Variants in AKNA observed in about 807,000 individuals in gnomAD.
AKNA encodes the protein microtubule organization protein AKNA.
AKNA carries 67 observed loss-of-function variants against 138.8 expected under a neutral mutation model. The observed-to-expected ratio is 0.48, with a 90% CI of 0.40 to 0.59. The LOEUF is 0.59. AKNA is among the 20% of genes least tolerant of loss of function. The probability of loss-of-function intolerance (pLI) is 0.00; values close to 1 mark genes in which losing one functional copy is unlikely to be tolerated. For missense variants in AKNA, 1,813 were observed against 1,880.4 expected (o/e 0.96, Z 0.66); for synonymous variants, 737 against 754.4 (o/e 0.98, Z 0.38).
intron 14 of AKNA, 23 bp downstream of exon 14, chr9:114,355,902 C>T (rs1309803941): frequency 1.2e-6 from 2 of 1,612,440 alleles, no homozygotes; most frequent in South Asian, 1.1e-5. Context: ...GCAGTTCTGT[C>T]CAAGTCAGAC....
Position 114,359,997 on chromosome 9 carries a change from G to A in AKNA, c.2190C>T (p.Ser730=). ...TGTCCTCCACCTCACTGTTGCCAGA[G>A]CTCACCTCCACATTTACGTGCAATG... ...PCPLHVNVEV[S]SGNSEVEDRP... is the part of the protein sequence containing the mutation. The change falls in exon 10 of 22, where the codon AGC becomes AGT. Residue 730 remains serine, a synonymous_variant. Transcript: ENST00000374088. The A allele has an allele frequency of 6.2e-7, 1 of 1,614,232 alleles. No individual in the cohort carries two copies. Among genetic ancestry groups the A allele is most frequent in the Non-Finnish European group, 8.5e-7 (1 of 1,180,044 alleles).
chr9:114,377,102 C>T lies in AKNA; in HGVS notation c.705G>A (p.Leu235=), dbSNP rs981447745. The change falls in exon 3 of 22, where the codon TTG becomes TTA. Residue 235 remains leucine (L), a synonymous_variant. Coordinates refer to ENST00000374088, the MANE Select transcript of AKNA (RefSeq NM_001317950.2). ...GGAGGTGGTGGCTGGGGCCCTCTGG[C>T]AAGGTTTCTGCCAGGGCAGTGGGCT... ...GPQPTALAET[L]PEGPSHHLLS... is the part of the protein sequence containing the mutation. 1 of 1,614,168 alleles carries T rather than the reference C, an allele frequency of 6.2e-7. No individual in the cohort carries two copies. The highest frequency in any genetic ancestry group is 8.5e-7 in the Non-Finnish European group (1 of 1,180,006).
intron 21 of AKNA, among the ~76,000 whole-genome samples, chr9:114,341,023 G>A (rs1319917495): frequency 2.0e-5 from 3 of 152,164 alleles, no homozygotes; most frequent in Admixed American, 6.5e-5. Context: ...CTTCACTAAC[G>A]TGGCCAATGT....
At chr9:114,373,870 A>G (rs1312081019) in intron 4 of AKNA, among the ~76,000 whole-genome samples, 3 of 136,098 alleles carry the variant, frequency 2.2e-5, no homozygotes, top group African/African-American at 8.3e-5. Flanking sequence ...TAGGTGACAG[A>G]GCAAGACCCT....
rs1305505991 is a variant in AKNA at position 114,387,929 on chromosome 9, A to G, written c.-183T>C. On this transcript the variant is annotated 5_prime_UTR_variant, in exon 1 of 22. Transcript: ENST00000374088. ...ACCTGCCTGTGAATTCTTTGTTCCA[A>G]ACCCAGGGAGCCCCCTGTCTCCATT... The G allele has an allele frequency of 4.4e-6, 2 of 452,538 alleles. No homozygotes were observed. Among genetic ancestry groups the G allele is most frequent in the East Asian group, 7.0e-5 (1 of 14,254 alleles). The allele number at this position is 452,538 out of a possible 1,614,324, so 28.0% of individuals were successfully genotyped here.
intron 1 of AKNA, among the ~76,000 whole-genome samples, chr9:114,387,179 C>G (rs942406281): frequency 6.6e-6 from 1 of 152,174 alleles, no homozygotes; most frequent in Non-Finnish European, 1.5e-5. Flanking sequence ...CAACCATACC[C>G]CCACCCACCT....
rs552195983 is a variant in AKNA, at chr9:114,386,453, C to T, written c.-114+1407G>A. Among the ~76,000 whole-genome samples the T allele has an allele frequency of 4.0e-4, 61 of 152,132 alleles. 2 individuals are homozygous for T. Among genetic ancestry groups the T allele is most frequent in the Non-Finnish European group, 6.9e-4 (47 of 68,024 alleles). ...TTGAAGGAGAGCTATGGGCAGGTGTCCCTGCATGCCAGATAAAGGCAGAGT... is the reference window on the plus strand; with the variant it reads ...TTGAAGGAGAGCTATGGGCAGGTGTTCCTGCATGCCAGATAAAGGCAGAGT... On this transcript the variant is annotated intron_variant, in intron 1 of 21. Transcript: ENST00000374088.
intron 2 of AKNA, among the ~76,000 whole-genome samples, 179 bp downstream of exon 2, chr9:114,380,881 G>A (rs948798793): frequency 2.7e-5 from 4 of 150,834 alleles, no homozygotes; most frequent in South Asian, 4.2e-4. Flanking sequence ...TACTCGGGAC[G>A]CTGAGGCAAG....
chr9:114,387,813 CA>C (rs1834150043), intron 1 of AKNA, 46 bp downstream of exon 1: 1 of 418,494 alleles, frequency 2.4e-6, no homozygotes. Context: ...CTGGCCCGTC[CA>C]GAAGGAAAGC....
chr9:114,372,977 G>T (rs1442613739), intron 4 of AKNA, among the ~76,000 whole-genome samples: 1 of 135,100 alleles, frequency 7.4e-6, no homozygotes, highest in Non-Finnish European at 1.6e-5. Flanking sequence ...GGGGGGGGGG[G>T]GTCCTGGTCC....
rs148530465 is a variant in AKNA, at chr9:114,347,062, G to C, written c.3399-278C>G. ...AAATGTTCATAAAACCCTTCATCAA[G>C]TGCCCTCCCATAGACTCAAAAGAAG... On this transcript the variant is annotated intron_variant, in intron 16 of 21. Transcript: ENST00000374088. Among the ~76,000 whole-genome samples the C allele has an allele frequency of 3.7e-3, 562 of 152,224 alleles. 4 individuals are homozygous for C. The highest frequency in any genetic ancestry group is 0.013 in the African/African-American group (537 of 41,520).
rs1407990333 is a variant in AKNA, at chr9:114,342,042, G to C, written c.3841C>G (p.Pro1281Ala). The C allele has an allele frequency of 2.5e-6, 4 of 1,613,914 alleles. No individual in the cohort carries two copies. Among genetic ancestry groups the C allele is most frequent in the African/African-American group, 2.7e-5 (2 of 74,902 alleles). Residue 1281 changes from proline to alanine, a missense_variant, in exon 20 of 22, where the codon CCA (proline) becomes GCA (alanine). Pro to Ala is a conservative substitution (Grantham distance 27, BLOSUM62 -1). Coordinates refer to ENST00000374088, the MANE Select transcript of AKNA (RefSeq NM_001317950.2). ...GCTGAGCCTGGACCATCTGCCTCTGGGGGAGACCCAACTTGACCACACAGG... is the reference window on the plus strand; with the variant it reads ...GCTGAGCCTGGACCATCTGCCTCTGCGGGAGACCCAACTTGACCACACAGG... ...CPLCGQVGSP[P>A]EADGPGSATS...
intron 1 of AKNA, among the ~76,000 whole-genome samples, chr9:114,385,570 T>C (rs1247504214): frequency 6.6e-6 from 1 of 152,214 alleles, no homozygotes; most frequent in Non-Finnish European, 1.5e-5. Context: ...CACAGAGCCC[T>C]CTGGGTGCAC....
chr9:114,343,720 T>A lies in AKNA; in HGVS notation c.3745A>T (p.Thr1249Ser). 1 of 1,614,200 alleles carries A rather than the reference T, an allele frequency of 6.2e-7. No individual in the cohort carries two copies. Among genetic ancestry groups the A allele is most frequent in the Non-Finnish European group, 8.5e-7 (1 of 1,180,032 alleles). The part of the protein sequence containing the change: ...VSCPHCRPIR[T>S]QDAGGAVTGD... The stretch of plus-strand genomic sequence containing the variant: ...TGCCATTCCTTACCCGCATCCTGGG[T>A]CCTAATGGGCCGGCAGTGGGGACAG... The change falls in exon 19 of 22, where the codon ACC (threonine) becomes TCC (serine). Residue 1249 changes from threonine to serine, a missense_variant. Thr to Ser is a moderately conservative substitution (Grantham distance 58, BLOSUM62 1). Transcript: ENST00000374088.
chr9:114,350,818 A>T (rs1156380550), intron 15 of AKNA, 41 bp downstream of exon 15: 2 of 1,516,986 alleles, frequency 1.3e-6, no homozygotes, highest in Non-Finnish European at 1.8e-6. Context: ...TCCCGTCTGT[A>T]TGATGAGCTT....
At chr9:114,343,654 C>A (rs1052136548) in intron 19 of AKNA, 54 bp downstream of exon 19, 5 of 1,567,660 alleles carry the variant, frequency 3.2e-6, no homozygotes, top group African/African-American at 1.4e-5. Flanking sequence ...CCCCTGAGGG[C>A]AAGAAGCTGC....
At chr9:114,377,581 A>G in intron 2 of AKNA, 49 bp from the exon 3 acceptor site, 3 of 1,504,042 alleles carry the variant, frequency 2.0e-6, no homozygotes, top group Non-Finnish European at 2.7e-6. Context: ...CTCTGCACCC[A>G]CCTTGTAACT....
In AKNA at chr9:114,336,813, G is replaced by A. The variant is rs897279917; in HGVS notation, c.*241C>T. 8 of 437,896 alleles carry A rather than the reference G, an allele frequency of 1.8e-5. No homozygotes were observed. Among genetic ancestry groups the A allele is most frequent in the African/African-American group, 8.0e-5 (4 of 49,748 alleles). The allele number at this position is 437,896 out of a possible 1,614,324, so 27.1% of individuals were successfully genotyped here. A position where few individuals can be genotyped will look rare whatever the true frequency, so the allele number is the denominator to read the frequency against. On this transcript the variant is annotated 3_prime_UTR_variant, in exon 22 of 22. Transcript: ENST00000374088. ...TTCTGCCTGGACCGAAGGAGGCCTC[G>A]CTCACAGCACCTCTGTGAGGGGACT...
chr9:114,361,277 T>A (rs894572796), intron 9 of AKNA, among the ~76,000 whole-genome samples: 8 of 152,176 alleles, frequency 5.3e-5, no homozygotes, highest in Non-Finnish European at 8.8e-5. Context: ...CTGGATGGGT[T>A]TTCTCTTTCT....
Sources: gnomAD v4.1 joint callset for allele counts (sites outside exome capture counted in the v4.1 genomes callset) on GRCh38, gnomAD v4.1.1 for gene constraint, MANE v1.5 for transcripts, NCBI Gene and HGNC (gene_info 2026-07-23, HGNC 2026-07-21) for gene names.